Variants in HMCN1 observed in about 807,000 individuals in gnomAD.
The protein encoded by HMCN1 is hemicentin 1, also known as hemicentin-1.
In HMCN1, 321 loss-of-function variants were observed where a neutral mutation model predicts 625.9. The ratio of observed to expected loss-of-function variants is 0.51; its 90% CI spans 0.47 to 0.56. The LOEUF is 0.56. Ranked by LOEUF, HMCN1 falls within the 20% of genes least tolerant of loss-of-function variation. The pLI is 0.00. For missense variants in HMCN1, 6,588 were observed against 6,887.3 expected, an observed-to-expected ratio of 0.96 and a Z score of 1.54; for synonymous variants, 2,425 against 2,417.6, an observed-to-expected ratio of 1.00 and a Z score of -0.09.
At chr1:186,039,655 G>C in intron 38 of HMCN1, 73 bp from the exon 39 acceptor site, 8 of 1,449,782 alleles carry the variant, frequency 5.5e-6, no homozygotes, top group East Asian at 2.3e-5. Context: ...GTAGACATTA[G>C]ATGTAGTTTT....
intron 16 of HMCN1, 28 bp downstream of exon 16, chr1:185,978,009 G>C: frequency 3.4e-6 from 5 of 1,476,250 alleles, no homozygotes; most frequent in Non-Finnish European, 4.7e-6. Flanking sequence ...TATTTTGTAC[G>C]AATATGTACT....
In HMCN1 at chr1:186,076,619, C is replaced by T. The variant is rs755514760; in HGVS notation, c.8482C>T (p.Pro2828Ser). 1 of 1,612,470 alleles carries T rather than the reference C, an allele frequency of 6.2e-7. No homozygotes were observed. Among genetic ancestry groups the T allele is most frequent in the Non-Finnish European group, 8.5e-7 (1 of 1,179,406 alleles). The change falls in exon 54 of 107, where the codon CCA (proline) becomes TCA (serine). Residue 2828 changes from proline (P) to serine (S), a missense_variant. Pro to Ser is a moderately conservative substitution (Grantham distance 74, BLOSUM62 -1). Transcript: ENST00000271588. Reference sequence around the variant, plus strand: ...CTCAAGTGATAAAGTATTGATTTTGCCAGGTAAAGATTGATACCAACAGGG... The same window carrying T: ...CTCAAGTGATAAAGTATTGATTTTGTCAGGTAAAGATTGATACCAACAGGG... The part of the protein sequence containing the change: ...LTSSDKVLIL[P>S]GGRVLQIPRA...
Position 186,114,805 on chromosome 1 carries a change from G to T in HMCN1, c.11277-14G>T. ...GGCTGATTCAGAAGACTTCACTTGT[G>T]ATTTCTCTTGTAGATATTCCATCTT... On this transcript the variant is annotated splice_polypyrimidine_tract_variant and intron_variant, in intron 73 of 106. Coordinates refer to ENST00000271588, the MANE Select transcript of HMCN1 (RefSeq NM_031935.3). 9 of 1,614,036 alleles carry T rather than the reference G, an allele frequency of 5.6e-6. No individual in the cohort carries two copies. Among genetic ancestry groups the T allele is most frequent in the Non-Finnish European group, 7.6e-6 (9 of 1,179,930 alleles).
rs142754121 is a variant in HMCN1 at position 185,925,163 on chromosome 1, G to A, written c.1402G>A (p.Val468Ile). 4.6e-4 allele frequency: 748 copies of A among 1,613,974 alleles called. 3 individuals are homozygous for A. The highest frequency in any genetic ancestry group is 3.8e-4 in the South Asian group (35 of 91,066). ...TACCTTGAGCTTTGTCAGAAATGGA[G>A]TTACACTTGGAGTAGACCAGTATTT... is the stretch of plus-strand genomic sequence containing the variant. ...PFTLSFVRNG[V>I]TLGVDQYLKE... The change falls in exon 9 of 107, where the codon GTT (valine) becomes ATT (isoleucine). Residue 468 changes from valine (V) to isoleucine (I), a missense_variant. Physicochemically the swap from Val to Ile is conservative, Grantham distance 29. Coordinates refer to ENST00000271588, the MANE Select transcript of HMCN1 (RefSeq NM_031935.3).
intron 1 of HMCN1, among the ~76,000 whole-genome samples, chr1:185,756,765 G>A (rs1434614382): frequency 6.6e-6 from 1 of 151,730 alleles, no homozygotes; most frequent in African/African-American, 2.4e-5. Flanking sequence ...CAAAAGTTTT[G>A]CTCCTTCTAA....
At chr1:186,054,239 T>C (rs115457196) in intron 44 of HMCN1, among the ~76,000 whole-genome samples, 1 of 151,930 alleles carries the variant, frequency 6.6e-6, no homozygotes, top group Non-Finnish European at 1.5e-5. Flanking sequence ...GTAATTTTGT[T>C]GGGGACAGAT....
intron 49 of HMCN1, 149 bp from the exon 50 acceptor site, chr1:186,067,685 T>C: frequency 1.7e-6 from 1 of 601,510 alleles, no homozygotes; most frequent in East Asian, 3.0e-5. Flanking sequence ...GGGATCACTC[T>C]TTTGTGTAAA....
intron 4 of HMCN1, among the ~76,000 whole-genome samples, chr1:185,900,848 G>T (rs1169662873): frequency 6.6e-6 from 1 of 151,794 alleles, no homozygotes; most frequent in Non-Finnish European, 1.5e-5. Context: ...TGTCCGAAGG[G>T]CCCAGAAATT....
intron 11 of HMCN1, among the ~76,000 whole-genome samples, chr1:185,951,553 G>A (rs368692882): frequency 0.018 from 2,411 of 137,114 alleles, 47 homozygotes; most frequent in Middle Eastern, 0.048. Context: ...ATCGGGCAGT[G>A]TCAGTCTTCA....
chr1:186,073,853 T>C (rs1199214993), intron 52 of HMCN1, among the ~76,000 whole-genome samples: 1 of 151,626 alleles, frequency 6.6e-6, no homozygotes, highest in African/African-American at 2.4e-5. Flanking sequence ...AGTCACCAAA[T>C]GAGAGCTTGA....
chr1:185,979,081 A>C (rs974808071), intron 16 of HMCN1, among the ~76,000 whole-genome samples: 9 of 152,174 alleles, frequency 5.9e-5, no homozygotes, highest in African/African-American at 1.9e-4. Flanking sequence ...CTCTGTGGTG[A>C]GCTCTGTGGT....
chr1:186,098,142 G>A (rs1048564612), intron 68 of HMCN1, among the ~76,000 whole-genome samples: 4 of 151,776 alleles, frequency 2.6e-5, no homozygotes, highest in Non-Finnish European at 4.4e-5. Flanking sequence ...ATTGGACTAG[G>A]CAAGGATTTT....
chr1:185,929,903 C>G (rs1297183625), intron 10 of HMCN1, among the ~76,000 whole-genome samples: 1 of 152,164 alleles, frequency 6.6e-6, no homozygotes, highest in Admixed American at 6.5e-5. Context: ...GGAGTCATGT[C>G]AACATTCCTC....
intron 1 of HMCN1, among the ~76,000 whole-genome samples, chr1:185,840,454 G>A (rs2102307440): frequency 6.6e-6 from 1 of 152,238 alleles, no homozygotes; most frequent in Admixed American, 6.5e-5. Flanking sequence ...ATTTTGAGGA[G>A]GCCACTTCCC....
At chr1:186,108,695 A>C in intron 71 of HMCN1, 98 bp downstream of exon 71, 1 of 1,308,046 alleles carries the variant, frequency 7.6e-7, no homozygotes, top group Non-Finnish European at 1.1e-6. Flanking sequence ...ACCAACTAAC[A>C]TCAGGCTACT....
Position 186,087,940 on chromosome 1 carries a change from C to T in HMCN1, c.9372C>T (p.Asp3124=). 1 of 1,612,486 alleles carries T rather than the reference C, an allele frequency of 6.2e-7. No homozygotes were observed. The highest frequency in any genetic ancestry group is 1.1e-5 in the South Asian group (1 of 91,062). ...MLHIKKAEVS[D]TGQYVCRAIN... ...GTATCTTTTTCTTTTAGGTATCTGACACAGGCCAGTATGTATGTAGAGCTA... is the reference window on the plus strand; with the variant it reads ...GTATCTTTTTCTTTTAGGTATCTGATACAGGCCAGTATGTATGTAGAGCTA... The change falls in exon 61 of 107, where the codon GAC becomes GAT. Residue 3124 remains aspartate, a synonymous_variant. Transcript: ENST00000271588.
chr1:185,916,743 G>A (rs1458141081), intron 6 of HMCN1, among the ~76,000 whole-genome samples: 1 of 152,084 alleles, frequency 6.6e-6, no homozygotes, highest in East Asian at 1.9e-4. Context: ...AGTGCTAGGA[G>A]GAATTCTCCC....
intron 2 of HMCN1, among the ~76,000 whole-genome samples, chr1:185,847,480 A>C (rs1199089311): frequency 2.0e-5 from 3 of 152,180 alleles, no homozygotes; most frequent in Admixed American, 6.5e-5. Context: ...ATCTACTCAG[A>C]GCAAGTGACC....
chr1:186,006,054 T>G (rs1328094919), intron 29 of HMCN1, among the ~76,000 whole-genome samples: 1 of 150,978 alleles, frequency 6.6e-6, no homozygotes, highest in Admixed American at 6.6e-5. Context: ...GAGAATCGCT[T>G]GAACCCAGGA....
Sources: allele counts gnomAD v4.1 joint callset (sites outside exome capture counted in the v4.1 genomes callset), GRCh38; gene constraint gnomAD v4.1.1; transcripts MANE v1.5; gene names NCBI Gene and HGNC (gene_info 2026-07-23, HGNC 2026-07-21).